UBFD1: variants seen among roughly 807,000 people sequenced by gnomAD.
UBFD1 encodes ubiquitin domain-containing protein UBFD1.
A neutral mutation model predicts 35.1 loss-of-function variants in UBFD1; 12 were observed. The observed-to-expected ratio is 0.34, with a 90% confidence interval of 0.22 to 0.55. UBFD1 has a LOEUF of 0.55. UBFD1 is among the 20% of genes least tolerant of loss of function. The pLI is 0.89. For missense variants in UBFD1, 337 were observed against 410.8 expected (o/e 0.82, Z 1.55); for synonymous variants, 178 against 167.6 (o/e 1.06, Z -0.48).
intron 6 of UBFD1, 147 bp downstream of exon 6, chr16:23,567,216 C>T: frequency 1.4e-6 from 1 of 700,570 alleles, no homozygotes; most frequent in Non-Finnish European, 2.4e-6. Flanking sequence ...TCTTCATCTA[C>T]TTAGAACTTA....
chr16:23,560,963 C>T (rs1037062400), intron 3 of UBFD1, among the ~76,000 whole-genome samples: 1 of 152,150 alleles, frequency 6.6e-6, no homozygotes, highest in South Asian at 2.1e-4. Flanking sequence ...AATGGTCACA[C>T]CCTTGGAGCA....
chr16:23,562,520 G>T, intron 4 of UBFD1, 105 bp from the exon 5 acceptor site: 1 of 1,052,300 alleles, frequency 9.5e-7, no homozygotes, highest in Non-Finnish European at 1.4e-6. Flanking sequence ...TGACCGCTTT[G>T]GCCTCCCAGT....
chr16:23,568,002 G>T (rs1331755653), intron 6 of UBFD1, among the ~76,000 whole-genome samples: 1 of 152,236 alleles, frequency 6.6e-6, no homozygotes, highest in Non-Finnish European at 1.5e-5. Flanking sequence ...AATATGGTGG[G>T]CAAGGGAGGC....
Position 23,557,961 on chromosome 16 carries a change from C to T in UBFD1, c.37C>T (p.Pro13Ser). ...AAGAPDGMEE[P>S]GMDTEAETVA... ...TAACCCCCTTGCAGGCATGGAGGAA[C>T]CTGGCATGGACACGGAGGCCGAGAC... Residue 13 changes from proline to serine, a missense_variant, in exon 2 of 7, where the codon CCT becomes TCT. Transcript: ENST00000395878. The T allele has an allele frequency of 7.4e-7, 1 of 1,357,774 alleles. No homozygotes were observed. The highest frequency in any genetic ancestry group is 9.5e-7 in the Non-Finnish European group (1 of 1,056,760). 84.1% of individuals were successfully genotyped at this position (1,357,774 alleles called of 1,614,324 possible).
chr16:23,559,599 G>A lies in UBFD1; in HGVS notation c.487G>A (p.Val163Ile). The A allele has an allele frequency of 6.2e-7, 1 of 1,614,234 alleles. No individual in the cohort carries two copies. Among genetic ancestry groups the A allele is most frequent in the East Asian group, 2.2e-5 (1 of 44,892 alleles). ...CTCCACCATCAATGATGTTTTAGCAGTAAACACACCCAAAGATGCTGCGCA... is the reference window on the plus strand; with the variant it reads ...CTCCACCATCAATGATGTTTTAGCAATAAACACACCCAAAGATGCTGCGCA... ...VGSTINDVLA[V>I]NTPKDAAQQD... Residue 163 changes from valine to isoleucine, a missense_variant, in exon 3 of 7, where the codon GTA (valine) becomes ATA (isoleucine). Val to Ile is a conservative substitution (Grantham distance 29). Transcript: ENST00000395878.
Position 23,557,734 on chromosome 16 carries a change from A to G in UBFD1, c.-9A>G. ...TCTGCGGGAGCGGTGGGTGTTGTACACAATCATCATGGCGGCGGCCGGGGC... is the reference window on the plus strand; with the variant it reads ...TCTGCGGGAGCGGTGGGTGTTGTACGCAATCATCATGGCGGCGGCCGGGGC... On this transcript the variant is annotated 5_prime_UTR_variant, in exon 1 of 7. Coordinates refer to ENST00000395878, the MANE Select transcript of UBFD1 (RefSeq NM_019116.3). The G allele has an allele frequency of 6.0e-6, 8 of 1,338,104 alleles. No homozygotes were observed. The highest frequency in any genetic ancestry group is 7.7e-6 in the Non-Finnish European group (8 of 1,043,414). 82.9% of individuals were successfully genotyped at this position (1,338,104 alleles called of 1,614,324 possible). A position where few individuals can be genotyped will look rare whatever the true frequency, so the allele number is the denominator to read the frequency against.
chr16:23,557,830 G>A lies in UBFD1; in HGVS notation c.25+63G>A, dbSNP rs543460225. 70 of 1,277,808 alleles carry A rather than the reference G, an allele frequency of 5.5e-5. No homozygotes were observed. The African/African-American group carries it at 9.6e-4, about 18-fold the overall frequency. The allele number at this position is 1,277,808 out of a possible 1,614,324, so 79.2% of individuals were successfully genotyped here. ...TGAGGTTGCGGTCGCTCCTCTGGGG[G>A]ATGCGGCCCGGCCCGGGAGGGAGAA... On this transcript the variant is annotated intron_variant, in intron 1 of 6. Coordinates refer to ENST00000395878, the MANE Select transcript of UBFD1 (RefSeq NM_019116.3).
chr16:23,571,145 C>A lies in UBFD1; in HGVS notation c.*555C>A, dbSNP rs752260822. 1 of 152,216 alleles carries A rather than the reference C, an allele frequency of 6.6e-6. No homozygotes were observed. The highest frequency in any genetic ancestry group is 2.4e-5 in the African/African-American group (1 of 41,336). 9.4% of individuals were successfully genotyped at this position (152,216 alleles called of 1,614,324 possible). ...TAATTCTTTCCCTTTTTCATTCTCT[C>A]GCTTCCTCAATTTGAGTTTTTGTTT... On this transcript the variant is annotated 3_prime_UTR_variant, in exon 7 of 7. Coordinates refer to ENST00000395878, the MANE Select transcript of UBFD1 (RefSeq NM_019116.3).
chr16:23,569,997 C>T (rs1169437841), intron 6 of UBFD1, among the ~76,000 whole-genome samples: 3 of 152,226 alleles, frequency 2.0e-5, no homozygotes, highest in Admixed American at 1.3e-4. Context: ...CATTCCCTTA[C>T]TGATGGATAT....
intron 3 of UBFD1, chr16:23,559,920 G>A (rs1965904875): frequency 1.3e-6 from 2 of 1,487,016 alleles, no homozygotes; most frequent in Non-Finnish European, 1.8e-6. Flanking sequence ...GGTAAAGGGA[G>A]GCTTCAGACC....
At chr16:23,566,944 A>T (rs1204389622) in intron 5 of UBFD1, 43 bp from the exon 6 acceptor site, 2 of 1,592,778 alleles carry the variant, frequency 1.3e-6, no homozygotes, top group African/African-American at 2.7e-5. Flanking sequence ...AAGTTAGAAC[A>T]GGAGGGCCCT....
At chr16:23,565,013 G>C (rs2142217282) in intron 5 of UBFD1, 1 of 152,334 alleles carries the variant, frequency 6.6e-6, no homozygotes, top group South Asian at 2.1e-4. Context: ...GGTTGAACAA[G>C]GTTAAGATTT....
intron 6 of UBFD1, among the ~76,000 whole-genome samples, chr16:23,567,391 G>A (rs1250191212): frequency 6.6e-6 from 1 of 152,196 alleles, no homozygotes; most frequent in Non-Finnish European, 1.5e-5. Context: ...ATAAAGAGGA[G>A]GAATGGCTTG....
At chr16:23,562,119 G>A (rs1965944161) in intron 3 of UBFD1, 87 bp from the exon 4 acceptor site, 1 of 1,273,768 alleles carries the variant, frequency 7.9e-7, no homozygotes, top group Non-Finnish European at 1.1e-6. Flanking sequence ...AAAACACTAA[G>A]GCTTTCTTCA....
intron 5 of UBFD1, 102 bp downstream of exon 5, chr16:23,562,832 C>A: frequency 2.0e-6 from 2 of 991,212 alleles, no homozygotes; most frequent in Non-Finnish European, 3.2e-6. Flanking sequence ...TGAAACCTCT[C>A]TCTCCACTGT....
At position 23,562,217 on chromosome 16, in the gene UBFD1, A is replaced by G; in HGVS notation, c.576A>G (p.Lys192=). 6.2e-7 allele frequency: 1 copy of G among 1,613,862 alleles called. No individual in the cohort carries two copies. The highest frequency in any genetic ancestry group is 1.3e-5 in the African/African-American group (1 of 75,024). The part of the protein sequence containing the change: ...EPLCRQKQHR[K]VLDKGKPEDV... Reference sequence around the variant, plus strand: ...CTTCTGACTTATAGCAACACAGGAAAGTGTTGGATAAAGGAAAACCTGAAG... The same window carrying G: ...CTTCTGACTTATAGCAACACAGGAAGGTGTTGGATAAAGGAAAACCTGAAG... The change falls in exon 4 of 7, where the codon AAA becomes AAG. Residue 192 remains lysine (K), a synonymous_variant. Transcript: ENST00000395878.
intron 5 of UBFD1, 136 bp from the exon 6 acceptor site, chr16:23,566,850 TC>T: frequency 1.3e-6 from 1 of 759,074 alleles, no homozygotes; most frequent in East Asian, 2.5e-5. Flanking sequence ...TGTCGTGTTG[TC>T]CCCAGAGGGC....
Position 23,572,414 on chromosome 16 carries a change from A to G in UBFD1, c.*1824A>G, listed in dbSNP as rs1966097640. 6.6e-6 allele frequency: 1 copy of G among 152,278 alleles called. No homozygotes were observed. Among genetic ancestry groups the G allele is most frequent in the Non-Finnish European group, 1.5e-5 (1 of 68,068 alleles). 9.4% of individuals were successfully genotyped at this position (152,278 alleles called of 1,614,324 possible). A position where few individuals can be genotyped will look rare whatever the true frequency, so the allele number is the denominator to read the frequency against. Reference sequence around the variant, plus strand: ...CTGCAGGTGACAGGTTTTGGGGGAAATGAGATGCATTAAGTAGAACATCAT... The same window carrying G: ...CTGCAGGTGACAGGTTTTGGGGGAAGTGAGATGCATTAAGTAGAACATCAT... On this transcript the variant is annotated 3_prime_UTR_variant, in exon 7 of 7. Coordinates refer to ENST00000395878, the MANE Select transcript of UBFD1 (RefSeq NM_019116.3).
In UBFD1 at chr16:23,557,937, A is replaced by G. The variant is rs1431051320; in HGVS notation, c.26-13A>G. 10 of 1,333,142 alleles carry G rather than the reference A, an allele frequency of 7.5e-6. No homozygotes were observed. Among genetic ancestry groups the G allele is most frequent in the African/African-American group, 1.5e-5 (1 of 65,780 alleles). The allele number at this position is 1,333,142 out of a possible 1,614,324, so 82.6% of individuals were successfully genotyped here. ...AGCCCGCGGCGAGCGCCCACCCCCT[A>G]ACCCCCTTGCAGGCATGGAGGAACC... On this transcript the variant is annotated splice_polypyrimidine_tract_variant and intron_variant, in intron 1 of 6. Transcript: ENST00000395878.
Sources: gnomAD v4.1 joint callset for allele counts (sites outside exome capture counted in the v4.1 genomes callset) on GRCh38, gnomAD v4.1.1 for gene constraint, MANE v1.5 for transcripts, NCBI Gene and HGNC (gene_info 2026-07-23, HGNC 2026-07-21) for gene names.